FAM114A1: variants seen among roughly 807,000 people sequenced by gnomAD.
The protein encoded by FAM114A1 is family with sequence similarity 114 member A1.
Under a neutral mutation model 64.3 loss-of-function variants are expected in FAM114A1, and 62 were observed. The observed-to-expected ratio is 0.96, with a 90% CI of 0.79 to 1.19. The LOEUF (loss-of-function observed/expected upper bound fraction) is 1.19, where lower values mean the gene tolerates loss of function less well. FAM114A1 is among the 50% of genes most tolerant of loss of function. The pLI is 0.00. For missense variants in FAM114A1, 645 were observed against 676.3 expected (o/e 0.95, Z 0.51); for synonymous variants, 254 against 251.1 (o/e 1.01, Z -0.11).
intron 4 of FAM114A1, among the ~76,000 whole-genome samples, chr4:38,895,227 G>A (rs1255374032): frequency 1.3e-5 from 2 of 152,180 alleles, no homozygotes; most frequent in Admixed American, 6.5e-5. Context: ...GGTCATTCAC[G>A]TTGTTGGCAG....
intron 4 of FAM114A1, among the ~76,000 whole-genome samples, chr4:38,894,162 C>CAAAAAA (rs60660305): frequency 1.2e-5 from 1 of 80,392 alleles, no homozygotes; most frequent in Non-Finnish European, 2.4e-5. Context: ...GAGTATGTCT[C>CAAAAAA]AAAAAAAAAA....
At chr4:38,936,933 A>G (rs993902034) in intron 13 of FAM114A1, among the ~76,000 whole-genome samples, 9 of 152,184 alleles carry the variant, frequency 5.9e-5, no homozygotes, top group Non-Finnish European at 2.9e-5. Flanking sequence ...AAGTGTTTCT[A>G]TTAACAGGGT....
At chr4:38,931,942 T>C (rs1053068945) in intron 11 of FAM114A1, among the ~76,000 whole-genome samples, 2 of 152,236 alleles carry the variant, frequency 1.3e-5, no homozygotes, top group East Asian at 1.9e-4. Context: ...GCTCTGTTCA[T>C]TCAGCCGGCC....
At chr4:38,897,936 ACT>A (rs1489168648) in intron 4 of FAM114A1, among the ~76,000 whole-genome samples, 2 of 149,590 alleles carry the variant, frequency 1.3e-5, no homozygotes, top group African/African-American at 2.5e-5. Context: ...ACAGAACAAG[ACT>A]CTGTTTCAAA....
At chr4:38,928,156 G>A (rs1300023816) in intron 9 of FAM114A1, among the ~76,000 whole-genome samples, 3 of 152,178 alleles carry the variant, frequency 2.0e-5, no homozygotes, top group Non-Finnish European at 4.4e-5. Flanking sequence ...AGCATCTCCA[G>A]ACAAGGGCTG....
At chr4:38,931,760 G>T in intron 11 of FAM114A1, 148 bp downstream of exon 11, 4 of 730,174 alleles carry the variant, frequency 5.5e-6, no homozygotes, top group Non-Finnish European at 8.5e-6. Flanking sequence ...GGCCAACATG[G>T]TGAAACCCTG....
chr4:38,927,152 C>G (rs1720194651), intron 9 of FAM114A1, among the ~76,000 whole-genome samples: 1 of 152,220 alleles, frequency 6.6e-6, no homozygotes, highest in Non-Finnish European at 1.5e-5. Flanking sequence ...CATCTTGTAG[C>G]TGGCTCATTG....
At chr4:38,925,400 G>A in intron 9 of FAM114A1, among the ~76,000 whole-genome samples, 1 of 152,182 alleles carries the variant, frequency 6.6e-6, no homozygotes, top group Non-Finnish European at 1.5e-5. Flanking sequence ...TTATGCAAAA[G>A]CTGTCGTAAG....
At chr4:38,928,486 ACTGT>A (rs1720343963) in intron 9 of FAM114A1, among the ~76,000 whole-genome samples, 1 of 152,224 alleles carries the variant, frequency 6.6e-6, no homozygotes, top group Admixed American at 6.5e-5. Context: ...TAATACGTAT[ACTGT>A]CTGTTATATA....
chr4:38,939,532 C>A (rs576355854), intron 13 of FAM114A1, among the ~76,000 whole-genome samples: 1 of 152,126 alleles, frequency 6.6e-6, no homozygotes, highest in East Asian at 1.9e-4. Context: ...AAGCAAATAC[C>A]ATAATGGATT....
chr4:38,931,598 A>G lies in FAM114A1; in HGVS notation c.1309A>G (p.Thr437Ala), dbSNP rs746869930. ...AGAAGACAAAAAGGAGGAAAAGAAA[A>G]CTAAGACCATAGAGGTAAATTCATT... ...PQEDKKEEKK[T>A]KTIEEVYMSS... The change falls in exon 11 of 15, where the codon ACT becomes GCT. Residue 437 changes from threonine (T) to alanine (A), a missense_variant. Transcript: ENST00000358869. 3 of 1,613,092 alleles carry G rather than the reference A, an allele frequency of 1.9e-6. No homozygotes were observed. Among genetic ancestry groups the G allele is most frequent in the South Asian group, 2.2e-5 (2 of 90,926 alleles).
At chr4:38,932,190 C>G in intron 11 of FAM114A1, 45 bp from the exon 12 acceptor site, 1 of 1,555,502 alleles carries the variant, frequency 6.4e-7, no homozygotes, top group Non-Finnish European at 8.6e-7. Flanking sequence ...TTTAAAAAAG[C>G]ATCTGCTCAG....
rs151258404 is a variant in FAM114A1, at chr4:38,906,604, G to A, written c.657+743G>A. 5.5e-3 allele frequency among the ~76,000 whole-genome samples: 834 copies of A among 152,100 alleles called. 11 individuals are homozygous for A. The highest frequency in any genetic ancestry group is 0.019 in the African/African-American group (799 of 41,468). ...GGCTGGCGTGCAGTGGTGCAATCTC[G>A]GCTCACTGCAACCTCCGCATCCCTG... is the stretch of plus-strand genomic sequence containing the variant. On this transcript the variant is annotated intron_variant, in intron 6 of 14. Transcript: ENST00000358869.
intron 10 of FAM114A1, among the ~76,000 whole-genome samples, chr4:38,929,628 T>G (rs1720465300): frequency 6.6e-6 from 1 of 152,136 alleles, no homozygotes; most frequent in Non-Finnish European, 1.5e-5. Flanking sequence ...AATACAAAAA[T>G]TAGCCAAGTG....
intron 4 of FAM114A1, among the ~76,000 whole-genome samples, chr4:38,897,926 A>G (rs1717100124): frequency 6.6e-6 from 1 of 151,852 alleles, no homozygotes; most frequent in Non-Finnish European, 1.5e-5. Context: ...AGCCTGGGCA[A>G]CAGAACAAGA....
intron 8 of FAM114A1, among the ~76,000 whole-genome samples, chr4:38,921,509 G>T (rs775953133): frequency 2.6e-5 from 4 of 152,138 alleles, no homozygotes; most frequent in African/African-American, 9.7e-5. Flanking sequence ...TGATCCTCCC[G>T]CCTCAGCCTC....
intron 8 of FAM114A1, among the ~76,000 whole-genome samples, chr4:38,918,882 T>C (rs1719321883): frequency 6.6e-6 from 1 of 152,156 alleles, no homozygotes; most frequent in Admixed American, 6.5e-5. Flanking sequence ...CTGGGCACAG[T>C]GGCTCACGCC....
chr4:38,896,827 T>C (rs1354441663), intron 4 of FAM114A1, among the ~76,000 whole-genome samples: 1 of 152,252 alleles, frequency 6.6e-6, no homozygotes, highest in Admixed American at 6.5e-5. Flanking sequence ...TGAAGATTTA[T>C]AAATTGCCTG....
chr4:38,874,107 G>A (rs544874313), intron 2 of FAM114A1, among the ~76,000 whole-genome samples: 1 of 152,326 alleles, frequency 6.6e-6, no homozygotes, highest in South Asian at 2.1e-4. Context: ...TGGCATTGCT[G>A]ATAGGGCTCT....
Sources: gnomAD v4.1 joint callset for allele counts (sites outside exome capture counted in the v4.1 genomes callset) on GRCh38, gnomAD v4.1.1 for gene constraint, MANE v1.5 for transcripts, NCBI Gene and HGNC (gene_info 2026-07-23, HGNC 2026-07-21) for gene names.